The following ADK variants were observed in gnomAD, a reference collection of about 807,000 sequenced individuals.
ADK encodes N6,N6-dimethyladenosine kinase.
In ADK, 24 loss-of-function variants were observed where a neutral mutation model predicts 44.7. The observed-to-expected ratio is 0.54, with a 90% CI of 0.39 to 0.76. The LOEUF (loss-of-function observed/expected upper bound fraction) is 0.76. ADK is among the 30% of genes least tolerant of loss of function. ADK has a pLI of 0.00. For missense variants in ADK, 321 were observed against 425.1 expected (o/e 0.76, Z 2.15); for synonymous variants, 128 against 142.6 (o/e 0.90, Z 0.73).
intron 4 of ADK, among the ~76,000 whole-genome samples, chr10:74,387,380 T>G (rs1843181592): frequency 6.6e-6 from 1 of 152,214 alleles, no homozygotes; most frequent in African/African-American, 2.4e-5. Flanking sequence ...ATTCCAAGAT[T>G]TGAGAATTTT....
intron 9 of ADK, among the ~76,000 whole-genome samples, chr10:74,636,458 C>T (rs990114860): frequency 4.6e-5 from 7 of 151,982 alleles, no homozygotes; most frequent in South Asian, 2.1e-4. Flanking sequence ...TATTATCAAA[C>T]GGATCAATTT....
chr10:74,329,106 CAAAAAAAAA>C (rs138730631), intron 4 of ADK, among the ~76,000 whole-genome samples: 22 of 82,114 alleles, frequency 2.7e-4, no homozygotes, highest in Middle Eastern at 0.016. Flanking sequence ...TCTGTGCAGG[CAAAAAAAAA>C]AAAAAAAAAA....
chr10:74,391,150 A>ATTAAG (rs1843315202), intron 4 of ADK, among the ~76,000 whole-genome samples: 1 of 152,192 alleles, frequency 6.6e-6, no homozygotes, highest in Non-Finnish European at 1.5e-5. Flanking sequence ...CCTTATAATT[A>ATTAAG]TTCCATTAAG....
At chr10:74,311,980 A>C (rs111559396) in intron 3 of ADK, among the ~76,000 whole-genome samples, 1 of 152,072 alleles carries the variant, frequency 6.6e-6, no homozygotes, top group African/African-American at 2.4e-5. Flanking sequence ...ATCCTGGCCA[A>C]CATGGTGAAA....
intron 5 of ADK, among the ~76,000 whole-genome samples, chr10:74,395,122 TA>T (rs1213002011): frequency 1.3e-5 from 2 of 152,182 alleles, no homozygotes; most frequent in Non-Finnish European, 2.9e-5. Flanking sequence ...GACCTCTTTT[TA>T]AATAGTGATT....
intron 4 of ADK, among the ~76,000 whole-genome samples, chr10:74,391,812 T>G (rs1194054190): frequency 6.6e-6 from 1 of 152,146 alleles, no homozygotes; most frequent in African/African-American, 2.4e-5. Context: ...ATTTTTCATC[T>G]TGCAACACTG....
intron 1 of ADK, among the ~76,000 whole-genome samples, chr10:74,194,176 A>T (rs1476821359): frequency 6.6e-6 from 1 of 152,172 alleles, no homozygotes; most frequent in African/African-American, 2.4e-5. Flanking sequence ...GCATACAGGG[A>T]ATTTTAAAAA....
intron 4 of ADK, among the ~76,000 whole-genome samples, chr10:74,324,622 A>G (rs1274556232): frequency 6.6e-6 from 1 of 152,182 alleles, no homozygotes. Context: ...TCCATTGTGT[A>G]TATATATCGC....
In ADK at chr10:74,331,739, G is replaced by A. The variant is rs190422741; in HGVS notation, c.273+16994G>A. Among the ~76,000 whole-genome samples the A allele has an allele frequency of 3.9e-3, 595 of 152,330 alleles. 7 individuals carry two copies. Among genetic ancestry groups the A allele is most frequent in the African/African-American group, 0.013 (530 of 41,566 alleles). On this transcript the variant is annotated intron_variant, in intron 4 of 10. Coordinates refer to ENST00000539909, the MANE Select transcript of ADK (RefSeq NM_006721.4). ...GACTTCAGGTGATCCACCTGCCTTG[G>A]CCTCCCAAAGTGCAGGGATTATAGG...
chr10:74,600,265 A>G, intron 8 of ADK, 114 bp from the exon 9 acceptor site: 1 of 672,398 alleles, frequency 1.5e-6, no homozygotes, highest in Non-Finnish European at 2.7e-6. Flanking sequence ...AATGTCTCTT[A>G]ATAGATATGC....
chr10:74,305,346 C>T (rs1840208731), intron 3 of ADK, among the ~76,000 whole-genome samples: 1 of 152,138 alleles, frequency 6.6e-6, no homozygotes, highest in Non-Finnish European at 1.5e-5. Context: ...AGGAATGTTG[C>T]CTACCCTGAT....
chr10:74,604,672 T>A (rs1339376074), intron 9 of ADK, among the ~76,000 whole-genome samples: 1 of 152,208 alleles, frequency 6.6e-6, no homozygotes, highest in Non-Finnish European at 1.5e-5. Context: ...TAGTATAGTT[T>A]GAAGTCAGGT....
In ADK at chr10:74,363,098, C is replaced by T. The variant is rs377210971; in HGVS notation, c.274-31043C>T. ...GATTAGCATGCATCACCCAACAGGT[C>T]CCAGTATCTGGGCAGTTTCTTGACT... On this transcript the variant is annotated intron_variant, in intron 4 of 10. Transcript: ENST00000539909. Among the ~76,000 whole-genome samples, 8 of 152,326 alleles carry T rather than the reference C, an allele frequency of 5.3e-5. No individual in the cohort carries two copies. The South Asian group carries it at 8.3e-4, about 16-fold the overall frequency.
intron 10 of ADK, among the ~76,000 whole-genome samples, chr10:74,692,523 C>T (rs1227444742): frequency 6.6e-6 from 1 of 151,938 alleles, no homozygotes; most frequent in East Asian, 1.9e-4. Context: ...GCTATTAAGC[C>T]AAGAAAAGAC....
At chr10:74,632,277 G>A (rs1853465646) in intron 9 of ADK, among the ~76,000 whole-genome samples, 1 of 152,194 alleles carries the variant, frequency 6.6e-6, no homozygotes, top group South Asian at 2.1e-4. Context: ...ATTATAGCAT[G>A]TGTCAGTTTT....
intron 9 of ADK, among the ~76,000 whole-genome samples, chr10:74,620,504 T>C (rs1306894646): frequency 6.6e-6 from 1 of 152,252 alleles, no homozygotes; most frequent in Non-Finnish European, 1.5e-5. Context: ...ACACTTTCTT[T>C]ATCCATTTAT....
At position 74,564,253 on chromosome 10, in the gene ADK, G is replaced by A. The variant is rs1028867595; in HGVS notation, c.727-25029G>A. ...AATCTCAGAAATCCCCCAGAAAGAC[G>A]ATTTAAGTTAAATGCACCCATCAAG... On this transcript the variant is annotated intron_variant, in intron 7 of 10. Coordinates refer to ENST00000539909, the MANE Select transcript of ADK (RefSeq NM_006721.4). 5.9e-5 allele frequency among the ~76,000 whole-genome samples: 9 copies of A among 152,128 alleles called. 1 individual carries two copies. The highest frequency in any genetic ancestry group is 4.1e-4 in the South Asian group (2 of 4,820).
chr10:74,233,451 T>A lies in ADK; in HGVS notation c.194+8860T>A, dbSNP rs145711799. Among the ~76,000 whole-genome samples the A allele has an allele frequency of 2.0e-5, 3 of 152,314 alleles. No homozygotes were observed. The East Asian group carries it at 5.8e-4, about 29-fold the overall frequency. ...GATGAGTAAGGACAGATTACAGTTC[T>A]GCCCATACCTTTGTGTCTGTCCTTC... On this transcript the variant is annotated intron_variant, in intron 3 of 10. Transcript: ENST00000539909.
At chr10:74,205,827 T>A (rs1843576510) in intron 2 of ADK, among the ~76,000 whole-genome samples, 1 of 151,186 alleles carries the variant, frequency 6.6e-6, no homozygotes, top group Non-Finnish European at 1.5e-5. Flanking sequence ...TGAAAAAAAA[T>A]AACTTAAAGC....
Sources: allele counts gnomAD v4.1 joint callset (sites outside exome capture counted in the v4.1 genomes callset), GRCh38; gene constraint gnomAD v4.1.1; transcripts MANE v1.5; gene names NCBI Gene and HGNC (gene_info 2026-07-23, HGNC 2026-07-21).